Variants in PID1 observed in about 807,000 individuals in gnomAD.
PID1 encodes the protein PTB-containing, cubilin and LRP1-interacting protein.
In PID1, 10 loss-of-function variants were observed where a neutral mutation model predicts 19.1. The observed-to-expected ratio is 0.52, with a 90% CI of 0.32 to 0.89. The LOEUF is 0.89. Among genes scored for constraint, PID1 ranks in the 40% least tolerant of loss-of-function variants. The pLI is 0.03. For missense variants in PID1, 248 were observed against 285.3 expected (o/e 0.87, Z 0.94); for synonymous variants, 130 against 116.0 (o/e 1.12, Z -0.78).
chr2:229,266,150 G>A (rs187428493), intron 1 of PID1, among the ~76,000 whole-genome samples: 112 of 152,260 alleles, frequency 7.4e-4, no homozygotes, highest in African/African-American at 2.4e-3. Context: ...TACAATTGAT[G>A]AAAACAACAA....
intron 2 of PID1, among the ~76,000 whole-genome samples, chr2:229,113,476 GTA>G (rs1228578236): frequency 4.5e-5 from 6 of 133,388 alleles, no homozygotes; most frequent in African/African-American, 1.7e-4. Context: ...AGATATGTGT[GTA>G]TATATATATA....
chr2:229,134,807 G>T (rs1351516004), intron 2 of PID1, among the ~76,000 whole-genome samples: 1 of 152,084 alleles, frequency 6.6e-6, no homozygotes, highest in South Asian at 2.1e-4. Context: ...CTTTCCAAGA[G>T]ATATGCCATA....
chr2:229,217,714 TC>T, intron 1 of PID1, among the ~76,000 whole-genome samples: 1 of 152,318 alleles, frequency 6.6e-6, no homozygotes, highest in East Asian at 1.9e-4. Flanking sequence ...TTTCCCAAGT[TC>T]CTCATGGTAA....
In PID1 at chr2:229,028,958, C is replaced by G. The variant is rs146029585; in HGVS notation, c.178-2850G>C. On this transcript the variant is annotated intron_variant, in intron 2 of 2. Coordinates refer to ENST00000392055, the MANE Select transcript of PID1 (RefSeq NM_001100818.2). The stretch of plus-strand genomic sequence containing the variant: ...TCACTCAATTTATATACACTTATCA[C>G]AACACAAGAACCCCTCTGACTACTC... Among the ~76,000 whole-genome samples, 7 of 152,248 alleles carry G rather than the reference C, an allele frequency of 4.6e-5. No homozygotes were observed. In the East Asian group the frequency reaches 1.4e-3, roughly 29 times the overall value.
intron 2 of PID1, among the ~76,000 whole-genome samples, chr2:229,104,795 T>C (rs1464128560): frequency 2.6e-5 from 4 of 152,322 alleles, no homozygotes; most frequent in East Asian, 1.9e-4. Context: ...GCCTGACTTA[T>C]AAGGATGGAA....
At chr2:229,128,766 C>A (rs757953024) in intron 2 of PID1, among the ~76,000 whole-genome samples, 9 of 151,944 alleles carry the variant, frequency 5.9e-5, no homozygotes, top group Non-Finnish European at 1.2e-4. Flanking sequence ...GTATTCTTAT[C>A]ATAAAGAGAT....
chr2:229,084,682 T>C (rs1012112868), intron 2 of PID1, among the ~76,000 whole-genome samples: 4 of 152,132 alleles, frequency 2.6e-5, no homozygotes, highest in Non-Finnish European at 4.4e-5. Flanking sequence ...GTATGACCAT[T>C]AAAAAAGGGT....
intron 1 of PID1, among the ~76,000 whole-genome samples, chr2:229,191,990 AATTT>A (rs1336111363): frequency 2.6e-5 from 4 of 152,200 alleles, no homozygotes; most frequent in African/African-American, 9.6e-5. Context: ...TGGTTTTCCT[AATTT>A]ATTTTATTCC....
rs576022159 is a variant in PID1 at position 229,043,290 on chromosome 2, G to A, written c.178-17182C>T. Among the ~76,000 whole-genome samples the A allele has an allele frequency of 2.7e-5, 4 of 150,614 alleles. No homozygotes were observed. In the South Asian group the frequency reaches 6.3e-4, roughly 24 times the overall value. ...CAAAGTGCTGAGATTACAGGTGTGA[G>A]CCACCATGCCTAGCTGAGAAATTTC... On this transcript the variant is annotated intron_variant, in intron 2 of 2. Coordinates refer to ENST00000392055, the MANE Select transcript of PID1 (RefSeq NM_001100818.2).
intron 1 of PID1, among the ~76,000 whole-genome samples, chr2:229,264,839 C>T (rs1472867884): frequency 6.6e-6 from 1 of 152,164 alleles, no homozygotes; most frequent in Admixed American, 6.5e-5. Flanking sequence ...CACCCTTCAC[C>T]CACACCCAGC....
intron 2 of PID1, among the ~76,000 whole-genome samples, chr2:229,087,312 A>T (rs1694788198): frequency 6.6e-6 from 1 of 152,206 alleles, no homozygotes; most frequent in Admixed American, 6.5e-5. Flanking sequence ...TAAGGACATG[A>T]TGTTCAATAA....
chr2:229,084,530 T>C (rs1378942529), intron 2 of PID1, among the ~76,000 whole-genome samples: 1 of 152,196 alleles, frequency 6.6e-6, no homozygotes, highest in Non-Finnish European at 1.5e-5. Flanking sequence ...GAATTGCGAC[T>C]GTCTCATCCC....
intron 2 of PID1, among the ~76,000 whole-genome samples, chr2:229,104,082 T>C (rs964463673): frequency 4.4e-4 from 67 of 152,132 alleles, no homozygotes; most frequent in Non-Finnish European, 6.8e-4. Context: ...CTTATTTGTT[T>C]ATTTTTTTAC....
chr2:229,131,610 T>C (rs143524249), intron 2 of PID1, among the ~76,000 whole-genome samples: 4 of 152,320 alleles, frequency 2.6e-5, no homozygotes, highest in African/African-American at 9.6e-5. Flanking sequence ...GGCTAAAGTT[T>C]AGAAGTATTA....
intron 2 of PID1, among the ~76,000 whole-genome samples, chr2:229,114,200 C>CACA (rs1559239277): frequency 6.7e-6 from 1 of 149,104 alleles, no homozygotes; most frequent in South Asian, 2.2e-4. Context: ...CACACACACA[C>CACA]AACACAACAC....
intron 1 of PID1, among the ~76,000 whole-genome samples, chr2:229,173,796 G>A (rs1320167223): frequency 6.6e-6 from 1 of 152,146 alleles, no homozygotes; most frequent in African/African-American, 2.4e-5. Flanking sequence ...GGAGAAAAGT[G>A]CAGTGGAATT....
intron 2 of PID1, among the ~76,000 whole-genome samples, chr2:229,134,557 T>C (rs2106171735): frequency 6.6e-6 from 1 of 152,126 alleles, no homozygotes; most frequent in East Asian, 1.9e-4. Context: ...TGTTATCTGA[T>C]TCCAAAAGTT....
intron 2 of PID1, among the ~76,000 whole-genome samples, chr2:229,144,234 A>G (rs1211257267): frequency 6.6e-6 from 1 of 152,144 alleles, no homozygotes; most frequent in Non-Finnish European, 1.5e-5. Context: ...GGAAGAAAAC[A>G]GAGGAGCATC....
chr2:229,139,051 AAGAAAG>A (rs1394590911), intron 2 of PID1, among the ~76,000 whole-genome samples: 2 of 68,582 alleles, frequency 2.9e-5, no homozygotes, highest in African/African-American at 5.3e-5. Context: ...GAAAGAAAGA[AAGAAAG>A]AGAAAGAAAG....
Sources: gnomAD v4.1 joint callset for allele counts (sites outside exome capture counted in the v4.1 genomes callset) on GRCh38, gnomAD v4.1.1 for gene constraint, MANE v1.5 for transcripts, NCBI Gene and HGNC (gene_info 2026-07-23, HGNC 2026-07-21) for gene names.